The following USP25 variants were observed in gnomAD, a reference collection of about 807,000 sequenced individuals.
USP25 encodes the protein ubiquitin carboxyl-terminal hydrolase 25.
Under a neutral mutation model 158.5 loss-of-function variants are expected in USP25, and 85 were observed. That is an observed-to-expected ratio of 0.54 (90% confidence interval 0.45 to 0.64). The LOEUF is 0.64. Ranked by LOEUF, USP25 falls within the 30% of genes least tolerant of loss-of-function variation. The pLI, the probability that USP25 is intolerant of heterozygous loss-of-function variation, is 0.00. For missense variants in USP25, 1,242 were observed against 1,327.3 expected, an observed-to-expected ratio of 0.94 and a Z score of 1.00; for synonymous variants, 464 against 460.4, an observed-to-expected ratio of 1.01 and a Z score of -0.10.
At position 15,799,819 on chromosome 21, in the gene USP25, T is replaced by A; in HGVS notation, c.618T>A (p.Ala206=). The A allele has an allele frequency of 2.5e-6, 4 of 1,604,776 alleles. No homozygotes were observed. Among genetic ancestry groups the A allele is most frequent in the Non-Finnish European group, 3.4e-6 (4 of 1,174,562 alleles). ...TGAATTACAAGCCTCCATCAAATGC[T>A]CAAGATTTACCCCGAAACCAAAAGG... is the stretch of plus-strand genomic sequence containing the variant. ...LVLNYKPPSN[A]QDLPRNQKEH... is the part of the protein sequence containing the mutation. The change falls in exon 6 of 26, where the codon GCT becomes GCA. Residue 206 remains alanine (A), a synonymous_variant. Coordinates refer to ENST00000400183, the MANE Select transcript of USP25 (RefSeq NM_001283041.3).
chr21:15,817,993 T>A (rs1389201370), intron 9 of USP25, among the ~76,000 whole-genome samples: 1 of 152,206 alleles, frequency 6.6e-6, no homozygotes, highest in Admixed American at 6.5e-5. Context: ...CATTGTAATC[T>A]CTCCCTTGGT....
chr21:15,762,496 C>T (rs769662614), intron 1 of USP25, among the ~76,000 whole-genome samples: 2 of 151,970 alleles, frequency 1.3e-5, no homozygotes, highest in African/African-American at 4.8e-5. Context: ...AATTACCCAC[C>T]GAGTTATGTC....
chr21:15,765,876 A>G (rs2034011265), intron 2 of USP25, 121 bp from the exon 3 acceptor site: 1 of 894,210 alleles, frequency 1.1e-6, no homozygotes, highest in Non-Finnish European at 1.6e-6. Context: ...AGAATCACAT[A>G]TAGATTAATT....
intron 1 of USP25, among the ~76,000 whole-genome samples, chr21:15,734,518 T>TG (rs1438264685): frequency 6.6e-6 from 1 of 152,162 alleles, no homozygotes; most frequent in Non-Finnish European, 1.5e-5. Context: ...ACTTTTGACT[T>TG]GTAGACTCAC....
intron 1 of USP25, among the ~76,000 whole-genome samples, chr21:15,750,336 ATTC>A (rs1266813275): frequency 6.7e-6 from 1 of 150,170 alleles, no homozygotes; most frequent in African/African-American, 2.5e-5. Context: ...GGTTCAAGCA[ATTC>A]TTCTGTCAGC....
chr21:15,775,004 G>T (rs938971312), intron 3 of USP25, among the ~76,000 whole-genome samples: 2 of 152,084 alleles, frequency 1.3e-5, no homozygotes, highest in Admixed American at 6.5e-5. Context: ...GGGACCCCAA[G>T]GATCAATGGA....
chr21:15,806,589 G>A (rs901303047), intron 7 of USP25, among the ~76,000 whole-genome samples: 1 of 152,046 alleles, frequency 6.6e-6, no homozygotes, highest in Non-Finnish European at 1.5e-5. Context: ...TGGCGGTTAA[G>A]GCCACAATAT....
chr21:15,756,215 A>G (rs935771383), intron 1 of USP25, among the ~76,000 whole-genome samples: 1 of 152,314 alleles, frequency 6.6e-6, no homozygotes, highest in South Asian at 2.1e-4. Flanking sequence ...GGAATTATCC[A>G]AGACAATTTC....
Position 15,799,797 on chromosome 21 carries a change from A to G in USP25, c.596A>G (p.Asn199Ser). Residue 199 changes from asparagine to serine, a missense_variant, in exon 6 of 26, where the codon AAT becomes AGT. Around this residue, in one of 3 missense-constraint regions of USP25, gnomAD observed 627 missense variants for 701.4 expected, o/e 0.89. Transcript: ENST00000400183. ...NLLEFRRLVL[N>S]YKPPSNAQDL... ...TTGGAATTTAGAAGATTAGTTCTGA[A>G]TTACAAGCCTCCATCAAATGCTCAA... 1 of 1,602,034 alleles carries G rather than the reference A, an allele frequency of 6.2e-7. No individual in the cohort carries two copies. Among genetic ancestry groups the G allele is most frequent in the Non-Finnish European group, 8.5e-7 (1 of 1,174,256 alleles).
At chr21:15,812,284 T>C (rs1386211892) in intron 9 of USP25, among the ~76,000 whole-genome samples, 1 of 152,126 alleles carries the variant, frequency 6.6e-6, no homozygotes, top group Non-Finnish European at 1.5e-5. Context: ...GACTAGGCAC[T>C]GTTTATAATA....
intron 22 of USP25, among the ~76,000 whole-genome samples, chr21:15,866,976 C>T (rs2039685923): frequency 6.6e-6 from 1 of 152,070 alleles, no homozygotes; most frequent in Non-Finnish European, 1.5e-5. Context: ...CACTTTGATT[C>T]ATCAGATATA....
chr21:15,739,823 A>G (rs1316416322), intron 1 of USP25, among the ~76,000 whole-genome samples: 1 of 152,224 alleles, frequency 6.6e-6, no homozygotes, highest in Non-Finnish European at 1.5e-5. Context: ...CAAGTAGATG[A>G]TGTGAAAGTT....
Position 15,757,023 on chromosome 21 carries a change from CG to C in USP25, c.46-5867del, listed in dbSNP as rs552298103. Among the ~76,000 whole-genome samples the C allele has an allele frequency of 1.1e-3, 165 of 152,192 alleles. 1 individual carries two copies. The highest frequency in any genetic ancestry group is 3.4e-3 in the Middle Eastern group (1 of 294). On this transcript the variant is annotated intron_variant, in intron 1 of 25. Transcript: ENST00000400183. ...GGACATTTCCAGTTGAGGATCAGGG[CG>C]TATCACAGGTCAGAAGTTTCATAAA...
intron 1 of USP25, among the ~76,000 whole-genome samples, chr21:15,737,397 T>A (rs2123183392): frequency 1.3e-5 from 2 of 152,284 alleles, no homozygotes; most frequent in South Asian, 4.1e-4. Flanking sequence ...TTTTCATTTA[T>A]TTGTTAAATT....
intron 22 of USP25, among the ~76,000 whole-genome samples, chr21:15,867,180 ATTTC>A (rs1156914465): frequency 6.6e-6 from 1 of 151,948 alleles, no homozygotes; most frequent in Non-Finnish European, 1.5e-5. Flanking sequence ...TACACCTAGT[ATTTC>A]TTCACATTTT....
At chr21:15,833,692 A>C (rs1348530222) in intron 17 of USP25, 144 bp downstream of exon 17, 4 of 759,610 alleles carry the variant, frequency 5.3e-6, no homozygotes, top group Non-Finnish European at 8.3e-6. Context: ...AGATTATCAC[A>C]GTTAACAATT....
At chr21:15,840,834 G>A (rs919117904) in intron 17 of USP25, among the ~76,000 whole-genome samples, 5 of 152,130 alleles carry the variant, frequency 3.3e-5, no homozygotes, top group African/African-American at 7.2e-5. Context: ...ATTATTAACC[G>A]TTGACATTAT....
intron 7 of USP25, among the ~76,000 whole-genome samples, chr21:15,806,429 C>CT (rs11289435): frequency 5.1e-4 from 72 of 140,186 alleles, no homozygotes; most frequent in East Asian, 8.2e-4. Flanking sequence ...TTTCTGGTTT[C>CT]TTTTTTTTTT....
chr21:15,753,088 G>T (rs962730895), intron 1 of USP25, among the ~76,000 whole-genome samples: 1 of 152,206 alleles, frequency 6.6e-6, no homozygotes, highest in African/African-American at 2.4e-5. Flanking sequence ...TCTAGGGAAA[G>T]TGACAGGGAG....
Sources: gnomAD v4.1 joint callset for allele counts (sites outside exome capture counted in the v4.1 genomes callset) on GRCh38, gnomAD v4.1.1 for gene constraint, gnomAD v4.1.1 regional missense constraint, MANE v1.5 for transcripts, NCBI Gene and HGNC (gene_info 2026-07-23, HGNC 2026-07-21) for gene names.